The following TBK1 variants were observed in gnomAD, a reference collection of about 807,000 sequenced individuals.
TBK1 encodes the protein serine/threonine-protein kinase TBK1.
A neutral mutation model predicts 99.9 loss-of-function variants in TBK1; 37 were observed. The observed-to-expected ratio is 0.37, with a 90% CI of 0.28 to 0.49. TBK1 has a LOEUF of 0.49. TBK1 is among the 20% of genes least tolerant of loss of function. TBK1 has a pLI of 0.98. For missense variants in TBK1, 644 were observed against 872.5 expected (o/e 0.74, Z 3.30); for synonymous variants, 258 against 279.8 (o/e 0.92, Z 0.78).
At chr12:64,496,665 T>G (rs1005609731) in intron 16 of TBK1, among the ~76,000 whole-genome samples, 1 of 152,196 alleles carries the variant, frequency 6.6e-6, no homozygotes, top group Non-Finnish European at 1.5e-5. Flanking sequence ...ATGCTCTGAT[T>G]ACAGAAGTAC....
chr12:64,474,765 G>C (rs2040695436), intron 6 of TBK1, among the ~76,000 whole-genome samples: 2 of 152,126 alleles, frequency 1.3e-5, no homozygotes, highest in African/African-American at 4.8e-5. Flanking sequence ...ATCATTACCA[G>C]ATCTAAAACA....
chr12:64,465,517 G>C (rs887266069), intron 4 of TBK1, among the ~76,000 whole-genome samples: 33 of 149,644 alleles, frequency 2.2e-4, no homozygotes, highest in Middle Eastern at 3.4e-3. Flanking sequence ...AAAAAAAGAT[G>C]AAAACAGCCC....
At chr12:64,500,396 C>G (rs534240349) in intron 20 of TBK1, among the ~76,000 whole-genome samples, 28 of 152,200 alleles carry the variant, frequency 1.8e-4, no homozygotes, top group African/African-American at 6.7e-4. Context: ...AGTTTGGCTC[C>G]CATATTTCCC....
intron 12 of TBK1, 89 bp downstream of exon 12, chr12:64,488,677 G>A (rs1372782414): frequency 2.2e-6 from 2 of 919,602 alleles, no homozygotes; most frequent in Non-Finnish European, 1.7e-6. Context: ...GGCACAATAT[G>A]GCATGCTATG....
At position 64,456,366 on chromosome 12, in the gene TBK1, GA is replaced by G. The variant is rs1025478401; in HGVS notation, c.87+410del. On this transcript the variant is annotated intron_variant, in intron 2 of 20. Coordinates refer to ENST00000331710, the MANE Select transcript of TBK1 (RefSeq NM_013254.4). ...GGGAGGGGAACTCACAGGTGTTTCT[GA>G]TAGGCTCTGGTAAGGGTAAGTGCCC... 2.0e-4 allele frequency among the ~76,000 whole-genome samples: 30 copies of G among 152,194 alleles called. 1 individual carries two copies. Among genetic ancestry groups the G allele is most frequent in the African/African-American group, 7.2e-4 (30 of 41,442 alleles).
At chr12:64,488,393 A>ATTAGTTATTC in intron 11 of TBK1, 94 bp from the exon 12 acceptor site, 1 of 610,546 alleles carries the variant, frequency 1.6e-6, no homozygotes, top group Non-Finnish European at 2.7e-6. Flanking sequence ...ATTGTTATAA[A>ATTAGTTATTC]ATGTTTTTGA....
rs1217684374 is a variant in TBK1 at position 64,479,947 on chromosome 12, A to G, written c.702-65A>G. 5 of 1,128,696 alleles carry G rather than the reference A, an allele frequency of 4.4e-6. No homozygotes were observed. In the African/African-American group the frequency reaches 7.9e-5, roughly 18 times the overall value. 69.9% of individuals were successfully genotyped at this position (1,128,696 alleles called of 1,614,324 possible). ...GGTGCAATTGAGGAAATACTTTTGC[A>G]AAGCCCATTAATAAGTCATGCAAAA... On this transcript the variant is annotated intron_variant, in intron 6 of 20. Transcript: ENST00000331710.
At chr12:64,462,729 ATAG>A (rs1430750987) in intron 3 of TBK1, among the ~76,000 whole-genome samples, 3 of 152,196 alleles carry the variant, frequency 2.0e-5, no homozygotes, top group Non-Finnish European at 4.4e-5. Context: ...TTGGAGATGA[ATAG>A]TAGATTTTAA....
chr12:64,483,209 C>G (rs1474578241), intron 8 of TBK1, among the ~76,000 whole-genome samples: 1 of 152,180 alleles, frequency 6.6e-6, no homozygotes, highest in African/African-American at 2.4e-5. Flanking sequence ...CCCCATTCTC[C>G]ATGGTGTGAT....
In TBK1 at chr12:64,464,836, A is replaced by T. The variant is rs559561784; in HGVS notation, c.358+373A>T. Among the ~76,000 whole-genome samples, 9 of 152,132 alleles carry T rather than the reference A, an allele frequency of 5.9e-5. No individual in the cohort carries two copies. In the South Asian group the frequency reaches 6.2e-4, roughly 11 times the overall value. On this transcript the variant is annotated intron_variant, in intron 4 of 20. Transcript: ENST00000331710. ...ATACACAAGTGGCTAACAAGTACAT[A>T]AAAAAAAGCTCAACATTAATTAATT...
chr12:64,495,772 C>A lies in TBK1; in HGVS notation c.1717C>A (p.Arg573Ser). Residue 573 changes from arginine to serine, a missense_variant, in exon 15 of 21, where the codon CGT (arginine) becomes AGT (serine). Physicochemically the swap from Arg to Ser is moderately radical, Grantham distance 110. This residue lies in a region of TBK1 where 465 missense variants were observed against 588.0 expected (regional missense o/e 0.79). Transcript: ENST00000331710. ...YYQFKKDKAE[R>S]RLAYNEEQIH... ...TCAGTTCAAAAAAGACAAAGCAGAA[C>A]GTAGTAAGTAAAATTTGCTATTTGT... The A allele has an allele frequency of 6.4e-7, 1 of 1,569,220 alleles. No homozygotes were observed.
In TBK1 at chr12:64,501,567, T is replaced by C. The variant is rs2040990222; in HGVS notation, c.*186T>C. 1 of 553,670 alleles carries C rather than the reference T, an allele frequency of 1.8e-6. No homozygotes were observed. The highest frequency in any genetic ancestry group is 3.1e-6 in the Non-Finnish European group (1 of 326,096). 34.3% of individuals were successfully genotyped at this position (553,670 alleles called of 1,614,324 possible). On this transcript the variant is annotated 3_prime_UTR_variant, in exon 21 of 21. Transcript: ENST00000331710. ...ATTTTTGGCTGCTGTGAAGATGTAA[T>C]TTTATCTTTTAACATTTATAATTAT...
Position 64,480,290 on chromosome 12 carries a change from A to G in TBK1, c.812+168A>G, listed in dbSNP as rs1251055345. ...GATTTTTGTCTTCGTGGTGGTGAAA[A>G]GATTTATTCTCTGCTATATGAATAA... is the stretch of plus-strand genomic sequence containing the variant. On this transcript the variant is annotated intron_variant, in intron 7 of 20. Coordinates refer to ENST00000331710, the MANE Select transcript of TBK1 (RefSeq NM_013254.4). 2.0e-5 allele frequency among the ~76,000 whole-genome samples: 3 copies of G among 152,150 alleles called. No individual in the cohort carries two copies. The East Asian group carries it at 5.8e-4, about 29-fold the overall frequency.
chr12:64,471,694 T>C (rs777393723), intron 5 of TBK1, among the ~76,000 whole-genome samples: 1 of 152,116 alleles, frequency 6.6e-6, no homozygotes, highest in Non-Finnish European at 1.5e-5. Flanking sequence ...ATCTCAGTAA[T>C]ATAATCCTGA....
At chr12:64,465,580 A>C (rs1038882825) in intron 4 of TBK1, among the ~76,000 whole-genome samples, 1 of 152,200 alleles carries the variant, frequency 6.6e-6, no homozygotes, top group Non-Finnish European at 1.5e-5. Flanking sequence ...TGTCTATACA[A>C]TGGAATATTG....
intron 15 of TBK1, 151 bp downstream of exon 15, chr12:64,495,926 TAA>T (rs369559731): frequency 0.018 from 6,922 of 378,672 alleles, no homozygotes; most frequent in Middle Eastern, 0.034. Context: ...TTGATTGTGT[TAA>T]AAAAAAAAAA....
At chr12:64,455,635 A>G (rs2040478356) in intron 1 of TBK1, among the ~76,000 whole-genome samples, 1 of 152,218 alleles carries the variant, frequency 6.6e-6, no homozygotes, top group Non-Finnish European at 1.5e-5. Flanking sequence ...AATGGTTCAT[A>G]TTTTGACTTG....
In TBK1 at chr12:64,495,769, G is replaced by A; in HGVS notation, c.1714G>A (p.Glu572Lys). The change falls in exon 15 of 21, where the codon GAA (glutamate) becomes AAA (lysine). Residue 572 changes from glutamate (E) to lysine (K), a missense_variant. By Grantham distance (56) the Glu-to-Lys change is moderately conservative. This residue lies in a region of TBK1 where 465 missense variants were observed against 588.0 expected (regional missense o/e 0.79). Coordinates refer to ENST00000331710, the MANE Select transcript of TBK1 (RefSeq NM_013254.4). ...IYYQFKKDKA[E>K]RRLAYNEEQI... ...CTATCAGTTCAAAAAAGACAAAGCA[G>A]AACGTAGTAAGTAAAATTTGCTATT... The A allele has an allele frequency of 6.3e-7, 1 of 1,575,966 alleles. No homozygotes were observed. Among genetic ancestry groups the A allele is most frequent in the Non-Finnish European group, 8.6e-7 (1 of 1,165,488 alleles).
At chr12:64,496,271 CTT>C (rs1458323702) in intron 15 of TBK1, 94 bp from the exon 16 acceptor site, 20 of 580,156 alleles carry the variant, frequency 3.4e-5, no homozygotes, top group South Asian at 3.2e-4. Flanking sequence ...GCTTCAGACT[CTT>C]AGCCTTTTTG....
Sources: gnomAD v4.1 joint callset for allele counts (sites outside exome capture counted in the v4.1 genomes callset) on GRCh38, gnomAD v4.1.1 for gene constraint, gnomAD v4.1.1 regional missense constraint, MANE v1.5 for transcripts, NCBI Gene and HGNC (gene_info 2026-07-23, HGNC 2026-07-21) for gene names.